The following ELOVL5 variants were observed in gnomAD, a reference collection of about 807,000 sequenced individuals.
ELOVL5 encodes very long chain fatty acid elongase 5.
A neutral mutation model predicts 38.6 loss-of-function variants in ELOVL5; 8 were observed. That is an observed-to-expected ratio of 0.21 (90% CI 0.12 to 0.37). The LOEUF (loss-of-function observed/expected upper bound fraction) is 0.37, where lower values mean the gene tolerates loss of function less well. Among genes scored for constraint, ELOVL5 ranks in the 10% least tolerant of loss-of-function variants. The pLI is 1.00. For missense variants in ELOVL5, 280 were observed against 367.8 expected (o/e 0.76, Z 1.95); for synonymous variants, 127 against 133.7 (o/e 0.95, Z 0.34).
At chr6:53,320,054 C>T (rs1768233624) in intron 1 of ELOVL5, among the ~76,000 whole-genome samples, 1 of 152,096 alleles carries the variant, frequency 6.6e-6, no homozygotes, top group South Asian at 2.1e-4. Context: ...TGGCTCATGC[C>T]TGTAATCCCA....
At chr6:53,333,981 T>G (rs144788822) in intron 1 of ELOVL5, among the ~76,000 whole-genome samples, 40 of 152,274 alleles carry the variant, frequency 2.6e-4, no homozygotes, top group African/African-American at 8.9e-4. Flanking sequence ...TATGGTATCC[T>G]ACAATCTCTA....
At chr6:53,277,252 C>T (rs149482548) in intron 3 of ELOVL5, among the ~76,000 whole-genome samples, 118 of 152,088 alleles carry the variant, frequency 7.8e-4, no homozygotes, top group African/African-American at 2.6e-3. Flanking sequence ...GCTGCACTCA[C>T]GCTGGGTATC....
chr6:53,319,137 A>T (rs948958439), intron 1 of ELOVL5, among the ~76,000 whole-genome samples: 11 of 151,870 alleles, frequency 7.2e-5, no homozygotes, highest in African/African-American at 2.4e-4. Context: ...TGGGCGCAGT[A>T]GCGGGCGCCT....
At chr6:53,303,026 T>A (rs1259983455) in intron 1 of ELOVL5, among the ~76,000 whole-genome samples, 2 of 152,190 alleles carry the variant, frequency 1.3e-5, no homozygotes, top group Non-Finnish European at 2.9e-5. Flanking sequence ...CTTTTATCAG[T>A]CAACTCGTTA....
At chr6:53,340,790 T>G (rs114271869) in intron 1 of ELOVL5, among the ~76,000 whole-genome samples, 1,530 of 152,314 alleles carry the variant, frequency 0.01, 13 homozygotes, top group Middle Eastern at 0.024. Context: ...AGTACATTTC[T>G]CAAAAAGTAT....
chr6:53,294,532 T>C, intron 2 of ELOVL5: 3 of 1,529,662 alleles, frequency 2.0e-6, no homozygotes, highest in Non-Finnish European at 2.6e-6. Context: ...ACAAGGATCC[T>C]TGGTTACATC....
rs530005488 is a variant in ELOVL5, at chr6:53,293,007, A to G, written c.59-1044T>C. ...GGGAGAGGGAAACAGGTCAGCCGCC[A>G]GCAGCAAACTGACAACCTCTTCTTG... On this transcript the variant is annotated intron_variant, in intron 2 of 7. Coordinates refer to ENST00000304434, the MANE Select transcript of ELOVL5 (RefSeq NM_021814.5). Among the ~76,000 whole-genome samples, 6 of 152,280 alleles carry G rather than the reference A, an allele frequency of 3.9e-5. No homozygotes were observed. The East Asian group carries it at 1.2e-3, about 29-fold the overall frequency.
rs372507976 is a variant in ELOVL5 at position 53,329,662 on chromosome 6, A to G, written c.-9+19155T>C. On this transcript the variant is annotated intron_variant, in intron 1 of 7. Transcript: ENST00000304434. The stretch of plus-strand genomic sequence containing the variant: ...AACACGGTGAAACCCCGTCTCTACT[A>G]AAAATAGAAAAATTAGCCGGGCATG... Among the ~76,000 whole-genome samples the G allele has an allele frequency of 1.1e-4, 17 of 152,172 alleles. No individual in the cohort carries two copies. In the South Asian group the frequency reaches 3.3e-3, roughly 30 times the overall value.
chr6:53,317,812 A>C (rs1428779249), intron 1 of ELOVL5, among the ~76,000 whole-genome samples: 1 of 149,590 alleles, frequency 6.7e-6, no homozygotes, highest in African/African-American at 2.5e-5. Context: ...AAATTTTAAA[A>C]AAAGATGAGA....
chr6:53,278,540 A>T (rs1272576808), intron 3 of ELOVL5, among the ~76,000 whole-genome samples: 1 of 152,220 alleles, frequency 6.6e-6, no homozygotes, highest in Non-Finnish European at 1.5e-5. Context: ...CCCCACCCAT[A>T]AATGGGGCAG....
At chr6:53,303,298 T>C (rs947531848) in intron 1 of ELOVL5, among the ~76,000 whole-genome samples, 4 of 152,244 alleles carry the variant, frequency 2.6e-5, no homozygotes, top group Non-Finnish European at 5.9e-5. Flanking sequence ...ACAGAATTCA[T>C]GTTAAAGTGT....
At position 53,269,256 on chromosome 6, in the gene ELOVL5, T is replaced by C. The variant is rs751031451; in HGVS notation, c.771A>G (p.Lys257=). The change falls in exon 8 of 8, where the codon AAA becomes AAG. Residue 257 remains lysine, a synonymous_variant. Coordinates refer to ENST00000304434, the MANE Select transcript of ELOVL5 (RefSeq NM_021814.5). ...TNFYIQTYNK[K]GASRRKDHLK... is the part of the protein sequence containing the mutation. The stretch of plus-strand genomic sequence containing the variant: ...GGTGGTCTTTCCTTCGGGAGGCCCC[T>C]TTCTTGTTGTAGGTCTAAAATGTGT... The C allele has an allele frequency of 9.3e-6, 15 of 1,610,414 alleles. No homozygotes were observed. Among genetic ancestry groups the C allele is most frequent in the Non-Finnish European group, 1.3e-5 (15 of 1,178,410 alleles).
chr6:53,297,186 C>A (rs1445101739), intron 1 of ELOVL5, among the ~76,000 whole-genome samples: 1 of 152,140 alleles, frequency 6.6e-6, no homozygotes, highest in African/African-American at 2.4e-5. Context: ...GCTCCCCATA[C>A]CCATCTGCCA....
intron 1 of ELOVL5, among the ~76,000 whole-genome samples, chr6:53,335,488 C>T (rs956910422): frequency 1.3e-5 from 2 of 152,160 alleles, no homozygotes; most frequent in Non-Finnish European, 2.9e-5. Context: ...GCAACGTTTC[C>T]TCATCCCCTC....
chr6:53,291,651 G>C lies in ELOVL5; in HGVS notation c.246+125C>G, dbSNP rs949908892. The C allele has an allele frequency of 6.3e-6, 4 of 634,612 alleles. No homozygotes were observed. The African/African-American group carries it at 7.6e-5, about 12-fold the overall frequency. The allele number at this position is 634,612 out of a possible 1,614,324, so 39.3% of individuals were successfully genotyped here. On this transcript the variant is annotated intron_variant, in intron 3 of 7. Coordinates refer to ENST00000304434, the MANE Select transcript of ELOVL5 (RefSeq NM_021814.5). The stretch of plus-strand genomic sequence containing the variant: ...TTAAAACACACTCATAACGCATTAA[G>C]ATACTTGCTTGCCCAGTTGTCTCTA...
intron 1 of ELOVL5, among the ~76,000 whole-genome samples, chr6:53,330,132 T>G (rs960929232): frequency 2.0e-5 from 3 of 152,172 alleles, no homozygotes; most frequent in Non-Finnish European, 4.4e-5. Context: ...CTACTACACA[T>G]GCAGGCTATA....
chr6:53,275,667 C>A (rs9463896), intron 4 of ELOVL5, among the ~76,000 whole-genome samples: 3,181 of 152,250 alleles, frequency 0.021, 124 homozygotes, highest in African/African-American at 0.073. Context: ...GAGCAGCCGA[C>A]CTGATAAGTG....
chr6:53,287,806 C>T, intron 3 of ELOVL5: 1 of 1,466,990 alleles, frequency 6.8e-7, no homozygotes, highest in Non-Finnish European at 9.2e-7. Context: ...GCCAGCCATC[C>T]TTTCAACACA....
At chr6:53,294,641 C>T in intron 2 of ELOVL5, 1 of 1,220,298 alleles carries the variant, frequency 8.2e-7, no homozygotes, top group Non-Finnish European at 1.1e-6. Flanking sequence ...TTTTTTGTCC[C>T]TTACAGCTAA....
Sources: allele counts gnomAD v4.1 joint callset (sites outside exome capture counted in the v4.1 genomes callset), GRCh38; gene constraint gnomAD v4.1.1; transcripts MANE v1.5; gene names NCBI Gene and HGNC (gene_info 2026-07-23, HGNC 2026-07-21).